Variants in FANCC observed in about 807,000 individuals in gnomAD.
FANCC encodes Fanconi anemia group C protein.
Under a neutral mutation model 71.3 loss-of-function variants are expected in FANCC, and 55 were observed. The ratio of observed to expected loss-of-function variants is 0.77; its 90% confidence interval spans 0.62 to 0.97. The LOEUF is 0.97. FANCC is among the 50% of genes least tolerant of loss of function. The pLI is 0.00. For missense variants in FANCC, 678 were observed against 670.9 expected, an observed-to-expected ratio of 1.01 and a Z score of -0.12; for synonymous variants, 275 against 244.9, an observed-to-expected ratio of 1.12 and a Z score of -1.15.
rs1195784933 is a variant in FANCC at position 95,226,148 on chromosome 9, A to G, written c.345+14501T>C. On this transcript the variant is annotated intron_variant, in intron 4 of 14. Coordinates refer to ENST00000289081, the MANE Select transcript of FANCC (RefSeq NM_000136.3). ...CCATGATATTTAAGAAAGCAATGGC[A>G]TTTTGTGGATTTACTAAATGTACTT... Among the ~76,000 whole-genome samples, 6 of 152,352 alleles carry G rather than the reference A, an allele frequency of 3.9e-5. No homozygotes were observed. The East Asian group carries it at 1.2e-3, about 29-fold the overall frequency.
intron 9 of FANCC, 144 bp from the exon 10 acceptor site, chr9:95,125,329 T>A: frequency 1.4e-6 from 1 of 715,566 alleles, no homozygotes; most frequent in African/African-American, 1.8e-5. Context: ...TTTCAGTCCT[T>A]GTGTGAAAAC....
chr9:95,226,162 C>T (rs532128928), intron 4 of FANCC, among the ~76,000 whole-genome samples: 46 of 152,292 alleles, frequency 3.0e-4, no homozygotes, highest in African/African-American at 1.0e-3. Flanking sequence ...TGTGGATTTA[C>T]TAAATGTACT....
At chr9:95,117,426 T>C in intron 10 of FANCC, 36 bp from the exon 11 acceptor site, 5 of 1,581,548 alleles carry the variant, frequency 3.2e-6, no homozygotes, top group Non-Finnish European at 3.5e-6. Context: ...AGCATGAACA[T>C]TAAGATTGAA....
chr9:95,264,571 T>A (rs999308123), intron 1 of FANCC, among the ~76,000 whole-genome samples: 1 of 152,170 alleles, frequency 6.6e-6, no homozygotes, highest in Non-Finnish European at 1.5e-5. Flanking sequence ...ATGGACCATA[T>A]AAGCTTCTCA....
chr9:95,286,116 C>G (rs1412184089), intron 1 of FANCC, among the ~76,000 whole-genome samples: 2 of 152,186 alleles, frequency 1.3e-5, no homozygotes, highest in Non-Finnish European at 2.9e-5. Flanking sequence ...CTTCTATACA[C>G]ACAAACATAT....
chr9:95,244,418 G>A (rs1003839449), intron 3 of FANCC, among the ~76,000 whole-genome samples: 2 of 152,098 alleles, frequency 1.3e-5, no homozygotes, highest in African/African-American at 2.4e-5. Flanking sequence ...AGTGGCCCAC[G>A]CCTGTAATCC....
intron 5 of FANCC, among the ~76,000 whole-genome samples, chr9:95,171,618 C>T (rs1825683072): frequency 6.6e-6 from 1 of 152,252 alleles, no homozygotes; most frequent in African/African-American, 2.4e-5. Flanking sequence ...GAAAACAATG[C>T]TTTAATATTA....
intron 1 of FANCC, among the ~76,000 whole-genome samples, chr9:95,269,801 G>A (rs1832617522): frequency 6.6e-6 from 1 of 152,118 alleles, no homozygotes; most frequent in African/African-American, 2.4e-5. Context: ...ACACACCTGT[G>A]GGTGTTTCTC....
chr9:95,267,270 G>A (rs751711539), intron 1 of FANCC, among the ~76,000 whole-genome samples: 12 of 152,122 alleles, frequency 7.9e-5, no homozygotes, highest in Middle Eastern at 3.2e-3. Context: ...AGGAAGGCTC[G>A]CAGCATCCTT....
At chr9:95,253,860 T>G (rs1831498761) in intron 1 of FANCC, among the ~76,000 whole-genome samples, 4 of 152,172 alleles carry the variant, frequency 2.6e-5, no homozygotes, top group Admixed American at 2.6e-4. Context: ...CATCAGGCAT[T>G]AGTCACATTC....
At chr9:95,252,590 C>CA (rs1169457320) in intron 1 of FANCC, among the ~76,000 whole-genome samples, 7 of 151,254 alleles carry the variant, frequency 4.6e-5, no homozygotes, top group Non-Finnish European at 7.4e-5. Context: ...ACTAAAAATA[C>CA]AAAAAATTAG....
At chr9:95,124,009 T>C (rs1473722056) in intron 10 of FANCC, 1 of 320,414 alleles carries the variant, frequency 3.1e-6, no homozygotes, top group Non-Finnish European at 6.0e-6. Flanking sequence ...GGGGCTGAAG[T>C]GTGAGGATCA....
intron 1 of FANCC, chr9:95,292,625 CA>C: frequency 1.4e-6 from 2 of 1,423,712 alleles, no homozygotes; most frequent in East Asian, 4.6e-5. Context: ...TCCTGCCCAA[CA>C]GCCCCGCGCT....
intron 13 of FANCC, among the ~76,000 whole-genome samples, chr9:95,108,057 G>C (rs1451013865): frequency 6.6e-6 from 1 of 152,212 alleles, no homozygotes; most frequent in Admixed American, 6.5e-5. Context: ...CTCGTGAACA[G>C]CTATGTTCCA....
chr9:95,251,856 G>C (rs1232299215), intron 1 of FANCC, among the ~76,000 whole-genome samples: 1 of 152,138 alleles, frequency 6.6e-6, no homozygotes, highest in Non-Finnish European at 1.5e-5. Flanking sequence ...GAGGCACCAA[G>C]AGATTACATA....
At chr9:95,192,340 C>T (rs905121764) in intron 4 of FANCC, among the ~76,000 whole-genome samples, 5 of 152,146 alleles carry the variant, frequency 3.3e-5, no homozygotes, top group Non-Finnish European at 5.9e-5. Context: ...CCAGTTCCTG[C>T]CACAGGTACT....
intron 1 of FANCC, among the ~76,000 whole-genome samples, chr9:95,280,758 G>C (rs1054600568): frequency 1.3e-5 from 2 of 152,144 alleles, no homozygotes; most frequent in African/African-American, 4.8e-5. Flanking sequence ...CTGCCTGACA[G>C]AAATTCAAAA....
rs183162519 is a variant in FANCC at position 95,297,705 on chromosome 9, T to C, written c.-79+19821A>G. ...ATTTCTCAAAAGAACCTGACAACTA[T>C]TACATGTTTTCTCTCTTTGTAGAAA... On this transcript the variant is annotated intron_variant, in intron 1 of 14. Transcript: ENST00000289081. Among the ~76,000 whole-genome samples, 52 of 152,350 alleles carry C rather than the reference T, an allele frequency of 3.4e-4. No homozygotes were observed. The East Asian group carries it at 9.4e-3, about 28-fold the overall frequency.
chr9:95,312,556 T>C (rs1486207044), intron 1 of FANCC, among the ~76,000 whole-genome samples: 1 of 152,242 alleles, frequency 6.6e-6, no homozygotes, highest in Non-Finnish European at 1.5e-5. Context: ...TTTGCTATGT[T>C]GCCCAGGCTT....
Sources: allele counts gnomAD v4.1 joint callset (sites outside exome capture counted in the v4.1 genomes callset), GRCh38; gene constraint gnomAD v4.1.1; transcripts MANE v1.5; gene names NCBI Gene and HGNC (gene_info 2026-07-23, HGNC 2026-07-21).